The following LAMC1 variants were observed in gnomAD, a reference collection of about 807,000 sequenced individuals.
LAMC1 encodes laminin subunit gamma 1.
A neutral mutation model predicts 173.6 loss-of-function variants in LAMC1; 38 were observed. The ratio of observed to expected loss-of-function variants is 0.22; its 90% CI spans 0.17 to 0.29. The LOEUF (loss-of-function observed/expected upper bound fraction) is 0.29. Ranked by LOEUF, LAMC1 falls within the 10% of genes least tolerant of loss-of-function variation. LAMC1 has a pLI of 1.00. For missense variants in LAMC1, 1,824 were observed against 2,051.8 expected, an observed-to-expected ratio of 0.89 and a Z score of 2.14; for synonymous variants, 746 against 749.1, an observed-to-expected ratio of 1.00 and a Z score of 0.07.
chr1:183,128,402 A>G (rs1393963447), intron 17 of LAMC1, among the ~76,000 whole-genome samples, 192 bp from the exon 18 acceptor site: 1 of 152,126 alleles, frequency 6.6e-6, no homozygotes, highest in African/African-American at 2.4e-5. Flanking sequence ...AACATGGCAC[A>G]TGTATACATA....
intron 10 of LAMC1, 151 bp downstream of exon 10, chr1:183,117,874 T>C: frequency 4.9e-6 from 4 of 812,738 alleles, no homozygotes; most frequent in Non-Finnish European, 7.8e-6. Context: ...TTTCTTTACC[T>C]TTATCTTTTC....
At position 183,116,776 on chromosome 1, in the gene LAMC1, T is replaced by A; in HGVS notation, c.1437T>A (p.Pro479=). 6.2e-7 allele frequency: 1 copy of A among 1,614,058 alleles called. No individual in the cohort carries two copies. The highest frequency in any genetic ancestry group is 1.3e-5 in the African/African-American group (1 of 75,064). ...VEGFNCERCK[P]GFFNLESSNP... ...TCTTAATCTTTTTCAGATGCAAACC[T>A]GGATTTTTTAATCTGGAATCATCTA... The change falls in exon 8 of 28, where the codon CCT becomes CCA. Residue 479 remains proline (P), a synonymous_variant. Coordinates refer to ENST00000258341, the MANE Select transcript of LAMC1 (RefSeq NM_002293.4).
intron 11 of LAMC1, among the ~76,000 whole-genome samples, chr1:183,120,322 G>A (rs1239781484): frequency 2.0e-5 from 3 of 152,114 alleles, no homozygotes; most frequent in African/African-American, 7.2e-5. Context: ...TAATTTGGGA[G>A]TAGGAACAAG....
chr1:183,143,807 A>G lies in LAMC1; in HGVS notation c.*1017A>G, dbSNP rs939662306. The stretch of plus-strand genomic sequence containing the variant: ...GGATAAAACTTAGATGGCAGCTTGT[A>G]CTGTCAGAATCCCGTGTATCCATTT... On this transcript the variant is annotated 3_prime_UTR_variant, in exon 28 of 28. Coordinates refer to ENST00000258341, the MANE Select transcript of LAMC1 (RefSeq NM_002293.4). The G allele has an allele frequency of 6.6e-6, 1 of 152,190 alleles. No homozygotes were observed. Among genetic ancestry groups the G allele is most frequent in the Non-Finnish European group, 1.5e-5 (1 of 68,018 alleles). 9.4% of individuals were successfully genotyped at this position (152,190 alleles called of 1,614,324 possible).
At chr1:183,053,721 G>A (rs1381597589) in intron 1 of LAMC1, among the ~76,000 whole-genome samples, 1 of 152,020 alleles carries the variant, frequency 6.6e-6, no homozygotes, top group African/African-American at 2.4e-5. Context: ...CATCTCCTGG[G>A]CTCAAACGAT....
intron 1 of LAMC1, among the ~76,000 whole-genome samples, chr1:183,052,092 C>A (rs1010074653): frequency 1.3e-5 from 2 of 152,098 alleles, no homozygotes; most frequent in African/African-American, 2.4e-5. Context: ...AACATACAGC[C>A]CCCTGATTGC....
chr1:183,100,661 G>T (rs2102067424), intron 1 of LAMC1, among the ~76,000 whole-genome samples: 1 of 152,314 alleles, frequency 6.6e-6, no homozygotes, highest in South Asian at 2.1e-4. Flanking sequence ...TCTTCTCCAT[G>T]CTTTCCAAAC....
At chr1:183,133,595 C>G (rs761633391) in intron 22 of LAMC1, 45 bp downstream of exon 22, 1 of 1,552,668 alleles carries the variant, frequency 6.4e-7, no homozygotes, top group Non-Finnish European at 8.7e-7. Flanking sequence ...GTCTCTCCCC[C>G]AAGTCTATGT....
Position 183,118,380 on chromosome 1 carries a change from A to C in LAMC1, c.1990+234A>C, listed in dbSNP as rs16860221. Among the ~76,000 whole-genome samples, 12,509 of 152,178 alleles carry C rather than the reference A, an allele frequency of 0.082. 897 individuals carry two copies. Among genetic ancestry groups the C allele is most frequent in the East Asian group, 0.4 (2,080 of 5,160 alleles). ...TATTTACTAATTGATTACTCAATTGATCAGTAGGTCAATTGAGGTTACATT... is the reference window on the plus strand; with the variant it reads ...TATTTACTAATTGATTACTCAATTGCTCAGTAGGTCAATTGAGGTTACATT... On this transcript the variant is annotated intron_variant, in intron 11 of 27. Coordinates refer to ENST00000258341, the MANE Select transcript of LAMC1 (RefSeq NM_002293.4).
chr1:183,118,431 C>A (rs1656381372), intron 11 of LAMC1, among the ~76,000 whole-genome samples: 2 of 151,992 alleles, frequency 1.3e-5, no homozygotes, highest in Admixed American at 6.6e-5. Flanking sequence ...TTCTAAAAAA[C>A]CTAATTATAG....
chr1:183,069,032 A>G (rs977563383), intron 1 of LAMC1, among the ~76,000 whole-genome samples: 2 of 152,188 alleles, frequency 1.3e-5, no homozygotes, highest in Admixed American at 6.5e-5. Flanking sequence ...TGTGGGAGAC[A>G]GTTTTCCACT....
At chr1:183,044,565 G>C (rs1039200373) in intron 1 of LAMC1, among the ~76,000 whole-genome samples, 1 of 151,978 alleles carries the variant, frequency 6.6e-6, no homozygotes, top group Non-Finnish European at 1.5e-5. Flanking sequence ...AGAAACCTAG[G>C]ACTAAATTAA....
rs1451743244 is a variant in LAMC1, at chr1:183,116,841, C to A, written c.1502C>A (p.Ser501Tyr). The A allele has an allele frequency of 6.2e-7, 1 of 1,613,934 alleles. No homozygotes were observed. Among genetic ancestry groups the A allele is most frequent in the Non-Finnish European group, 8.5e-7 (1 of 1,179,914 alleles). ...ACACCCTGCTTCTGCTTTGGGCATT[C>A]TTCTGTCTGTACAAACGCTGTTGGC... ...GCTPCFCFGH[S>Y]SVCTNAVGYS... The change falls in exon 8 of 28, where the codon TCT becomes TAT. Residue 501 changes from serine to tyrosine, a missense_variant. By Grantham distance (144) the Ser-to-Tyr change is moderately radical. Coordinates refer to ENST00000258341, the MANE Select transcript of LAMC1 (RefSeq NM_002293.4).
At chr1:183,047,339 A>G (rs1654291586) in intron 1 of LAMC1, among the ~76,000 whole-genome samples, 1 of 152,148 alleles carries the variant, frequency 6.6e-6, no homozygotes, top group African/African-American at 2.4e-5. Flanking sequence ...GTTCTTCATA[A>G]CTAAATCACT....
intron 1 of LAMC1, among the ~76,000 whole-genome samples, chr1:183,040,445 C>A (rs73051714): frequency 0.11 from 17,466 of 152,200 alleles, 1,132 homozygotes; most frequent in Admixed American, 0.2. Context: ...GGAAATCTGA[C>A]AATTTCTGAA....
chr1:183,080,521 C>G (rs1571427266), intron 1 of LAMC1, among the ~76,000 whole-genome samples: 1 of 152,188 alleles, frequency 6.6e-6, no homozygotes, highest in Non-Finnish European at 1.5e-5. Context: ...CTCCCTTTCT[C>G]TGGAAGCTAA....
intron 21 of LAMC1, 62 bp from the exon 22 acceptor site, chr1:183,133,344 G>T: frequency 1.4e-6 from 2 of 1,424,364 alleles, no homozygotes; most frequent in South Asian, 1.4e-5. Flanking sequence ...TGTTAATCTG[G>T]TTAACATTAA....
At chr1:183,035,798 C>G (rs999085203) in intron 1 of LAMC1, among the ~76,000 whole-genome samples, 1 of 152,102 alleles carries the variant, frequency 6.6e-6, no homozygotes, top group Non-Finnish European at 1.5e-5. Context: ...TACCTGTAAC[C>G]AGATACCCTA....
rs1478325918 is a variant in LAMC1, at chr1:183,140,427, C to T, written c.4497C>T (p.Ala1499=). ...AGMASQAAQE[A]EINARKAKNS... ...AGGCTTCACAGGCTGCTCAAGAAGC[C>T]GAGATCAATGCCAGAAAAGCCAAAA... is the stretch of plus-strand genomic sequence containing the variant. The change falls in exon 27 of 28, where the codon GCC becomes GCT. Residue 1499 remains alanine (A), a synonymous_variant. Coordinates refer to ENST00000258341, the MANE Select transcript of LAMC1 (RefSeq NM_002293.4). 5 of 1,613,060 alleles carry T rather than the reference C, an allele frequency of 3.1e-6. No individual in the cohort carries two copies. The highest frequency in any genetic ancestry group is 1.6e-4 in the Middle Eastern group (1 of 6,082).
Sources: allele counts gnomAD v4.1 joint callset (sites outside exome capture counted in the v4.1 genomes callset), GRCh38; gene constraint gnomAD v4.1.1; transcripts MANE v1.5; gene names NCBI Gene and HGNC (gene_info 2026-07-23, HGNC 2026-07-21).